DTWD2: variants seen among roughly 807,000 people sequenced by gnomAD.
DTWD2 encodes the protein tRNA-uridine aminocarboxypropyltransferase 2.
DTWD2 carries 39 observed loss-of-function variants against 31.8 expected under a neutral mutation model. The observed-to-expected ratio is 1.22, with a 90% CI of 0.95 to 1.60. DTWD2 has a LOEUF of 1.60. Ranked by LOEUF, DTWD2 falls within the 40% of genes most tolerant of loss-of-function variation. The pLI, the probability that DTWD2 is intolerant of heterozygous loss-of-function variation, is 0.00. For missense variants in DTWD2, 515 were observed against 381.5 expected (o/e 1.35, Z -2.92); for synonymous variants, 180 against 142.8 (o/e 1.26, Z -1.86).
intron 1 of DTWD2, among the ~76,000 whole-genome samples, chr5:118,953,061 T>C (rs1162832140): frequency 1.3e-5 from 2 of 152,208 alleles, no homozygotes; most frequent in Admixed American, 6.5e-5. Flanking sequence ...TCCCAAACTT[T>C]TGCTGTTATC....
chr5:118,957,654 T>G (rs920559259), intron 1 of DTWD2, among the ~76,000 whole-genome samples: 3 of 152,170 alleles, frequency 2.0e-5, no homozygotes, highest in Admixed American at 6.5e-5. Context: ...CACAAAGGAA[T>G]AGATTCAGAA....
rs548101318 is a variant in DTWD2 at position 118,872,391 on chromosome 5, A to G, written c.598-24173T>C. Among the ~76,000 whole-genome samples the G allele has an allele frequency of 1.8e-4, 28 of 152,306 alleles. No individual in the cohort carries two copies. The South Asian group carries it at 5.6e-3, about 30-fold the overall frequency. On this transcript the variant is annotated intron_variant, in intron 4 of 5. Transcript: ENST00000510708. ...CTGCTTTTGTCATGCCTTCCTCAAT[A>G]AGCTTAATCATTTCTAGCCTTTGAT...
chr5:118,957,950 G>A (rs983583049), intron 1 of DTWD2, among the ~76,000 whole-genome samples: 1 of 151,942 alleles, frequency 6.6e-6, no homozygotes, highest in African/African-American at 2.4e-5. Flanking sequence ...GTTTTATGAG[G>A]TGCATCATAT....
At chr5:118,883,517 G>T (rs1018855920) in intron 4 of DTWD2, among the ~76,000 whole-genome samples, 2 of 152,144 alleles carry the variant, frequency 1.3e-5, no homozygotes, top group African/African-American at 4.8e-5. Context: ...CACTACCTGA[G>T]ACTGAGTGAT....
In DTWD2 at chr5:118,837,956, T is replaced by G. The variant is rs1751609598; in HGVS notation, c.*2961A>C. The G allele has an allele frequency of 6.6e-6, 1 of 152,132 alleles. No individual in the cohort carries two copies. The highest frequency in any genetic ancestry group is 2.4e-5 in the African/African-American group (1 of 41,410). The allele number at this position is 152,132 out of a possible 1,614,324, so 9.4% of individuals were successfully genotyped here. On this transcript the variant is annotated 3_prime_UTR_variant, in exon 6 of 6. Coordinates refer to ENST00000510708, the MANE Select transcript of DTWD2 (RefSeq NM_173666.4). Reference sequence around the variant, plus strand: ...ATAAATAAATCACTAACTGGTGGTATAGTGAGGAGCTTATTTCTTCCAAAA... The same window carrying G: ...ATAAATAAATCACTAACTGGTGGTAGAGTGAGGAGCTTATTTCTTCCAAAA...
intron 4 of DTWD2, among the ~76,000 whole-genome samples, chr5:118,883,008 T>A (rs1365115340): frequency 6.6e-6 from 1 of 152,272 alleles, no homozygotes; most frequent in Non-Finnish European, 1.5e-5. Flanking sequence ...CAAACCTTTA[T>A]GTTCTGCTTC....
chr5:118,908,420 T>G (rs1438922740), intron 4 of DTWD2, among the ~76,000 whole-genome samples: 1 of 152,154 alleles, frequency 6.6e-6, no homozygotes, highest in Non-Finnish European at 1.5e-5. Flanking sequence ...CTTCATTGCA[T>G]TTCTGGGTAA....
chr5:118,916,362 C>T (rs1753576873), intron 4 of DTWD2, among the ~76,000 whole-genome samples: 1 of 152,110 alleles, frequency 6.6e-6, no homozygotes, highest in Non-Finnish European at 1.5e-5. Context: ...TAATACATCA[C>T]TAGTCTATTA....
chr5:118,924,011 C>T (rs1382714077), intron 4 of DTWD2, among the ~76,000 whole-genome samples: 1 of 152,208 alleles, frequency 6.6e-6, no homozygotes, highest in Non-Finnish European at 1.5e-5. Context: ...CCCAGTGTGG[C>T]TTCACACTAG....
At chr5:118,944,858 T>C (rs571840002) in intron 1 of DTWD2, among the ~76,000 whole-genome samples, 17 of 152,306 alleles carry the variant, frequency 1.1e-4, no homozygotes, top group Non-Finnish European at 2.4e-4. Flanking sequence ...TTACCACTTA[T>C]ATAGATTAAG....
At chr5:118,929,705 A>G (rs936524881) in intron 3 of DTWD2, among the ~76,000 whole-genome samples, 6 of 152,292 alleles carry the variant, frequency 3.9e-5, no homozygotes, top group South Asian at 2.1e-4. Context: ...CTTATTTGAC[A>G]TATGTTGACA....
At chr5:118,847,990 T>G in intron 5 of DTWD2, 100 bp downstream of exon 5, 1 of 1,277,966 alleles carries the variant, frequency 7.8e-7, no homozygotes. Context: ...AAGATTCTAC[T>G]TGTCACATGA....
At chr5:118,862,797 G>A (rs1752291933) in intron 4 of DTWD2, among the ~76,000 whole-genome samples, 1 of 152,144 alleles carries the variant, frequency 6.6e-6, no homozygotes, top group African/African-American at 2.4e-5. Context: ...AGCAAACTAT[G>A]ACTATCCCAT....
intron 1 of DTWD2, among the ~76,000 whole-genome samples, chr5:118,952,499 G>A (rs1043552833): frequency 6.6e-6 from 1 of 152,074 alleles, no homozygotes; most frequent in Non-Finnish European, 1.5e-5. Context: ...GTGCTCAGTG[G>A]GGGAGCGTCT....
intron 4 of DTWD2, among the ~76,000 whole-genome samples, chr5:118,895,434 G>A (rs564078602): frequency 2.6e-5 from 4 of 152,138 alleles, no homozygotes; most frequent in African/African-American, 9.7e-5. Context: ...TGACCATACT[G>A]CCCTAAGCAA....
intron 1 of DTWD2, among the ~76,000 whole-genome samples, chr5:118,965,796 T>A (rs965507937): frequency 6.6e-6 from 1 of 152,166 alleles, no homozygotes; most frequent in African/African-American, 2.4e-5. Context: ...GATACAAACA[T>A]TGCGGAAGGC....
Position 118,946,375 on chromosome 5 carries a change from T to C in DTWD2, c.219-1726A>G, listed in dbSNP as rs114479149. On this transcript the variant is annotated intron_variant, in intron 1 of 5. Coordinates refer to ENST00000510708, the MANE Select transcript of DTWD2 (RefSeq NM_173666.4). ...CAAAAGAGGGACAGACACCAACTGATGAAACAGGGTGCAATGACAAACAGA... is the reference window on the plus strand; with the variant it reads ...CAAAAGAGGGACAGACACCAACTGACGAAACAGGGTGCAATGACAAACAGA... 7.6e-4 allele frequency among the ~76,000 whole-genome samples: 115 copies of C among 152,240 alleles called. 1 individual carries two copies. The highest frequency in any genetic ancestry group is 2.8e-3 in the African/African-American group (115 of 41,532).
chr5:118,860,706 G>C (rs1333178700), intron 4 of DTWD2, among the ~76,000 whole-genome samples: 1 of 152,106 alleles, frequency 6.6e-6, no homozygotes. Context: ...CAATCTGTTA[G>C]GTCAGAAATG....
chr5:118,974,942 T>C (rs1299984216), intron 1 of DTWD2, among the ~76,000 whole-genome samples: 1 of 152,242 alleles, frequency 6.6e-6, no homozygotes, highest in Non-Finnish European at 1.5e-5. Flanking sequence ...CCTTTCTCTC[T>C]GGCTGCCCTT....
Sources: allele counts gnomAD v4.1 joint callset (sites outside exome capture counted in the v4.1 genomes callset), GRCh38; gene constraint gnomAD v4.1.1; transcripts MANE v1.5; gene names NCBI Gene and HGNC (gene_info 2026-07-23, HGNC 2026-07-21).